The following ATRNL1 variants were observed in gnomAD, a reference collection of about 807,000 sequenced individuals.
ATRNL1 encodes attractin like 1.
In ATRNL1, 95 loss-of-function variants were observed where a neutral mutation model predicts 182.7. The observed-to-expected ratio is 0.52, with a 90% CI of 0.44 to 0.62. ATRNL1 has a LOEUF of 0.62. Among genes scored for constraint, ATRNL1 ranks in the 20% least tolerant of loss-of-function variants. The pLI, the probability that ATRNL1 is intolerant of heterozygous loss-of-function variation, is 0.00. For synonymous variants in ATRNL1, 576 were observed against 568.3 expected (o/e 1.01, Z -0.19); for missense variants, 1,471 against 1,679.5 (o/e 0.88, Z 2.17).
intron 26 of ATRNL1, among the ~76,000 whole-genome samples, chr10:115,605,293 T>C (rs574800400): frequency 4.6e-5 from 7 of 152,236 alleles, no homozygotes; most frequent in Non-Finnish European, 1.0e-4. Context: ...ATGTTTGGTT[T>C]CCCTCTCCAT....
intron 27 of ATRNL1, among the ~76,000 whole-genome samples, chr10:115,753,077 T>A (rs10490919): frequency 6.6e-6 from 1 of 151,766 alleles, no homozygotes; most frequent in Non-Finnish European, 1.5e-5. Context: ...TAATAATACC[T>A]GTGTTCAGTG....
intron 8 of ATRNL1, among the ~76,000 whole-genome samples, chr10:115,207,786 GTC>G (rs1848858818): frequency 2.6e-5 from 4 of 151,544 alleles, no homozygotes; most frequent in Non-Finnish European, 5.9e-5. Flanking sequence ...CTGCTTTTTT[GTC>G]TTCATAACTT....
intron 26 of ATRNL1, among the ~76,000 whole-genome samples, chr10:115,629,120 C>G (rs1265915659): frequency 6.6e-6 from 1 of 151,944 alleles, no homozygotes. Flanking sequence ...TGGGCATTAT[C>G]CACAATGTTT....
chr10:115,895,226 G>C (rs534514089), intron 28 of ATRNL1, among the ~76,000 whole-genome samples: 2 of 152,290 alleles, frequency 1.3e-5, no homozygotes, highest in African/African-American at 2.4e-5. Context: ...TGCATGATCT[G>C]AAATGAAACA....
intron 26 of ATRNL1, among the ~76,000 whole-genome samples, chr10:115,651,108 C>G (rs1490179160): frequency 6.6e-6 from 1 of 152,134 alleles, no homozygotes; most frequent in Non-Finnish European, 1.5e-5. Context: ...CCTTATTCAG[C>G]TATTGGCCAC....
intron 24 of ATRNL1, among the ~76,000 whole-genome samples, chr10:115,472,387 A>T (rs757287444): frequency 2.0e-5 from 3 of 150,956 alleles, no homozygotes; most frequent in Non-Finnish European, 4.5e-5. Context: ...GAAAAATGTA[A>T]TTGGAATTTT....
intron 1 of ATRNL1, among the ~76,000 whole-genome samples, chr10:115,102,158 T>C (rs1843794999): frequency 6.6e-6 from 1 of 152,206 alleles, no homozygotes; most frequent in South Asian, 2.1e-4. Context: ...TATCTGTTTA[T>C]CCTTCATGTA....
rs140500217 is a variant in ATRNL1, at chr10:115,514,649, G to C, written c.3655-4614G>C. ...TGTGCTTCATCAATTTAAGTATATT[G>C]TTAGTCTGTTGGTTACTCCCACTAC... On this transcript the variant is annotated intron_variant, in intron 24 of 28. Transcript: ENST00000355044. Among the ~76,000 whole-genome samples, 5 of 151,862 alleles carry C rather than the reference G, an allele frequency of 3.3e-5. No homozygotes were observed. In the East Asian group the frequency reaches 9.7e-4, roughly 29 times the overall value.
chr10:115,479,120 A>G (rs1466688532), intron 24 of ATRNL1, among the ~76,000 whole-genome samples: 1 of 151,546 alleles, frequency 6.6e-6, no homozygotes, highest in Non-Finnish European at 1.5e-5. Flanking sequence ...TTTCCTTTAT[A>G]ATTATAAAGA....
chr10:115,565,777 ATTATTT>A (rs1555001544), intron 26 of ATRNL1, among the ~76,000 whole-genome samples: 2 of 152,098 alleles, frequency 1.3e-5, no homozygotes, highest in African/African-American at 4.8e-5. Context: ...TTACCATTTG[ATTATTT>A]TTATTATTTA....
intron 26 of ATRNL1, among the ~76,000 whole-genome samples, chr10:115,661,738 A>G (rs952540012): frequency 3.3e-5 from 5 of 152,096 alleles, no homozygotes; most frequent in Non-Finnish European, 7.4e-5. Context: ...ATCATGACAT[A>G]TGCTATGGAG....
chr10:115,832,606 G>C (rs529954143), intron 27 of ATRNL1, among the ~76,000 whole-genome samples: 1 of 152,266 alleles, frequency 6.6e-6, no homozygotes, highest in East Asian at 1.9e-4. Context: ...GGAAGAATTA[G>C]GCATTGGAAT....
At chr10:115,151,352 T>A (rs1554880534) in intron 5 of ATRNL1, among the ~76,000 whole-genome samples, 1 of 152,192 alleles carries the variant, frequency 6.6e-6, no homozygotes, top group East Asian at 1.9e-4. Flanking sequence ...TGTAAAAGCA[T>A]TCCTATTTCT....
chr10:115,468,123 G>A lies in ATRNL1; in HGVS notation c.3496+871G>A, dbSNP rs534787539. On this transcript the variant is annotated intron_variant, in intron 23 of 28. Coordinates refer to ENST00000355044, the MANE Select transcript of ATRNL1 (RefSeq NM_207303.4). ...AAAAAATGAAAATTCAGGCAAATAG[G>A]CATTTTGTTACTATTAGTGCCAAAC... Among the ~76,000 whole-genome samples the A allele has an allele frequency of 7.3e-4, 110 of 150,644 alleles. 1 individual carries two copies. In the South Asian group the frequency reaches 0.022, roughly 30 times the overall value.
chr10:115,834,386 C>T (rs1950623151), intron 27 of ATRNL1, among the ~76,000 whole-genome samples: 1 of 152,112 alleles, frequency 6.6e-6, no homozygotes, highest in Non-Finnish European at 1.5e-5. Flanking sequence ...CTTTTTGAAA[C>T]CCACTTCCCT....
chr10:115,517,897 GT>G (rs561121554), intron 24 of ATRNL1, among the ~76,000 whole-genome samples: 102 of 151,806 alleles, frequency 6.7e-4, no homozygotes, highest in African/African-American at 2.2e-3. Flanking sequence ...TTTAAAAGAT[GT>G]TTTTTCTTTA....
At chr10:115,196,364 G>A (rs1018381124) in intron 8 of ATRNL1, among the ~76,000 whole-genome samples, 5 of 151,974 alleles carry the variant, frequency 3.3e-5, no homozygotes, top group Admixed American at 6.6e-5. Flanking sequence ...TAAATCTGGC[G>A]GTGTAAGTCT....
intron 26 of ATRNL1, among the ~76,000 whole-genome samples, chr10:115,713,709 T>TATCTATC (rs1555055430): frequency 0.05 from 3,712 of 74,466 alleles, 47 homozygotes; most frequent in African/African-American, 0.061. Flanking sequence ...ATCTATCATC[T>TATCTATC]ATCTATCTAT....
intron 26 of ATRNL1, among the ~76,000 whole-genome samples, chr10:115,605,508 T>A (rs1856824696): frequency 6.6e-6 from 1 of 152,102 alleles, no homozygotes; most frequent in African/African-American, 2.4e-5. Flanking sequence ...ACCCCTAACT[T>A]ATGATAGTTT....
Sources: allele counts gnomAD v4.1 joint callset (sites outside exome capture counted in the v4.1 genomes callset), GRCh38; gene constraint gnomAD v4.1.1; transcripts MANE v1.5; gene names NCBI Gene and HGNC (gene_info 2026-07-23, HGNC 2026-07-21).